Variants in KCNJ3 observed in about 807,000 individuals in gnomAD.
KCNJ3 encodes the protein G protein-activated inward rectifier potassium channel 1.
A neutral mutation model predicts 39.2 loss-of-function variants in KCNJ3; 4 were observed. The observed-to-expected ratio is 0.10, with a 90% confidence interval of 0.05 to 0.23. The LOEUF is 0.23. KCNJ3 is among the 10% of genes least tolerant of loss of function. KCNJ3 has a pLI of 1.00. For synonymous variants in KCNJ3, 230 were observed against 237.4 expected (o/e 0.97, Z 0.29); for missense variants, 276 against 634.9 (o/e 0.43, Z 6.08).
At chr2:154,788,864 GA>G (rs1209230523) in intron 2 of KCNJ3, among the ~76,000 whole-genome samples, 2 of 151,150 alleles carry the variant, frequency 1.3e-5, no homozygotes, top group East Asian at 1.9e-4. Flanking sequence ...CATGCTGCAT[GA>G]AAAAAAATGA....
chr2:154,829,777 TAAG>T (rs2105118060), intron 2 of KCNJ3, among the ~76,000 whole-genome samples: 1 of 151,838 alleles, frequency 6.6e-6, no homozygotes, highest in South Asian at 2.1e-4. Flanking sequence ...TATTAATCAA[TAAG>T]AAATACTAAT....
chr2:154,748,738 A>G (rs1027909994), intron 2 of KCNJ3, among the ~76,000 whole-genome samples: 1 of 152,140 alleles, frequency 6.6e-6, no homozygotes, highest in African/African-American at 2.4e-5. Flanking sequence ...AAAGAGTGAT[A>G]AAATTCAAAT....
At chr2:154,737,215 T>C (rs947771796) in intron 2 of KCNJ3, among the ~76,000 whole-genome samples, 1 of 152,218 alleles carries the variant, frequency 6.6e-6, no homozygotes, top group African/African-American at 2.4e-5. Context: ...TGGGACGTTG[T>C]GTAGAATACG....
At chr2:154,780,618 AG>A (rs1228196085) in intron 2 of KCNJ3, among the ~76,000 whole-genome samples, 1 of 151,966 alleles carries the variant, frequency 6.6e-6, no homozygotes, top group Non-Finnish European at 1.5e-5. Flanking sequence ...GGGGTCAGGG[AG>A]GGGCTCCTGA....
At chr2:154,852,000 T>G (rs1687763979) in intron 2 of KCNJ3, among the ~76,000 whole-genome samples, 1 of 152,202 alleles carries the variant, frequency 6.6e-6, no homozygotes, top group Admixed American at 6.5e-5. Flanking sequence ...AAATTTTACT[T>G]CAAAATTTAC....
intron 2 of KCNJ3, among the ~76,000 whole-genome samples, chr2:154,806,111 G>A (rs1175435703): frequency 6.6e-6 from 1 of 152,086 alleles, no homozygotes; most frequent in Non-Finnish European, 1.5e-5. Flanking sequence ...AATGTATGTT[G>A]TTTCCTCTCG....
At chr2:154,716,276 A>ATTTTTTT (rs535989708) in intron 2 of KCNJ3, among the ~76,000 whole-genome samples, 23 of 115,482 alleles carry the variant, frequency 2.0e-4, no homozygotes, top group East Asian at 7.9e-4. Flanking sequence ...CGGCCGGCTA[A>ATTTTTTT]TTTTTTTTTT....
chr2:154,726,812 CA>C (rs1425286181), intron 2 of KCNJ3, among the ~76,000 whole-genome samples: 6 of 149,994 alleles, frequency 4.0e-5, no homozygotes, highest in Non-Finnish European at 3.0e-5. Context: ...CACACACACA[CA>C]CACACACACA....
chr2:154,765,405 A>G (rs1241456492), intron 2 of KCNJ3, among the ~76,000 whole-genome samples: 2 of 152,174 alleles, frequency 1.3e-5, no homozygotes, highest in Non-Finnish European at 2.9e-5. Context: ...ATTTATATAC[A>G]TATTTTGCAT....
At chr2:154,831,063 G>GTCTT (rs1311939567) in intron 2 of KCNJ3, among the ~76,000 whole-genome samples, 3 of 152,168 alleles carry the variant, frequency 2.0e-5, no homozygotes, top group South Asian at 2.1e-4. Flanking sequence ...TTTGGCCATT[G>GTCTT]TCTTTTACTA....
chr2:154,771,316 A>G (rs529654318), intron 2 of KCNJ3, among the ~76,000 whole-genome samples: 3 of 152,214 alleles, frequency 2.0e-5, no homozygotes, highest in African/African-American at 4.8e-5. Context: ...GGGACAAGTG[A>G]ACAATCATCT....
At chr2:154,844,492 A>C (rs1349113178) in intron 2 of KCNJ3, among the ~76,000 whole-genome samples, 1 of 152,218 alleles carries the variant, frequency 6.6e-6, no homozygotes, top group Non-Finnish European at 1.5e-5. Flanking sequence ...GCTGTCAGAC[A>C]GGGACGTTTA....
intron 2 of KCNJ3, among the ~76,000 whole-genome samples, chr2:154,711,019 A>AACTGAAGCACTATTATTAGTT: frequency 6.6e-6 from 1 of 152,112 alleles, no homozygotes; most frequent in South Asian, 2.1e-4. Flanking sequence ...TAGTATTTTA[A>AACTGAAGCACTATTATTAGTT]ACTGAAGCAC....
At chr2:154,732,429 T>C (rs1685461992) in intron 2 of KCNJ3, among the ~76,000 whole-genome samples, 1 of 152,128 alleles carries the variant, frequency 6.6e-6, no homozygotes, top group South Asian at 2.1e-4. Flanking sequence ...CAGACTTCAG[T>C]GGATTCTTTA....
chr2:154,845,673 G>A (rs1420217507), intron 2 of KCNJ3, among the ~76,000 whole-genome samples: 2 of 152,062 alleles, frequency 1.3e-5, no homozygotes, highest in African/African-American at 4.8e-5. Flanking sequence ...ATAATAATCA[G>A]TTGAAAGTGA....
intron 2 of KCNJ3, among the ~76,000 whole-genome samples, chr2:154,730,962 GAAGT>G (rs1464649308): frequency 1.3e-5 from 2 of 151,976 alleles, no homozygotes; most frequent in Admixed American, 6.6e-5. Context: ...TTTCTAAAAA[GAAGT>G]AAGAATATAA....
intron 1 of KCNJ3, among the ~76,000 whole-genome samples, chr2:154,704,418 G>A (rs1250791869): frequency 1.3e-5 from 2 of 152,102 alleles, no homozygotes; most frequent in Admixed American, 6.6e-5. Context: ...TTATAAAGCC[G>A]CTCTTTCATT....
chr2:154,717,685 T>C (rs74989142), intron 2 of KCNJ3, among the ~76,000 whole-genome samples: 5,825 of 152,264 alleles, frequency 0.038, 187 homozygotes, highest in Non-Finnish European at 0.052. Context: ...ATCAAGCCCT[T>C]GACTCTTTTC....
intron 2 of KCNJ3, among the ~76,000 whole-genome samples, chr2:154,823,842 T>G (rs1036918303): frequency 6.6e-6 from 1 of 152,164 alleles, no homozygotes; most frequent in Non-Finnish European, 1.5e-5. Flanking sequence ...GTCAGGGGGT[T>G]TGTGTCATTT....
Sources: allele counts gnomAD v4.1 joint callset (sites outside exome capture counted in the v4.1 genomes callset), GRCh38; gene constraint gnomAD v4.1.1; transcripts MANE v1.5; gene names NCBI Gene and HGNC (gene_info 2026-07-23, HGNC 2026-07-21).